FAM227A: variants seen among roughly 807,000 people sequenced by gnomAD.
FAM227A encodes the protein protein FAM227A.
Under a neutral mutation model 74.7 loss-of-function variants are expected in FAM227A, and 80 were observed. The observed-to-expected ratio is 1.07, with a 90% CI of 0.89 to 1.29. The LOEUF (loss-of-function observed/expected upper bound fraction) is 1.29, where lower values mean the gene tolerates loss of function less well. FAM227A is among the 50% of genes most tolerant of loss of function. The probability of loss-of-function intolerance (pLI) is 0.00; values close to 1 mark genes in which losing one functional copy is unlikely to be tolerated. For synonymous variants in FAM227A, 237 were observed against 241.8 expected (o/e 0.98, Z 0.19); for missense variants, 654 against 683.4 (o/e 0.96, Z 0.48).
intron 3 of FAM227A, among the ~76,000 whole-genome samples, chr22:38,640,707 G>T (rs11704721): frequency 6.6e-6 from 1 of 152,164 alleles, no homozygotes; most frequent in South Asian, 2.1e-4. Flanking sequence ...CTGTGATTAC[G>T]AATCAAAGTG....
In FAM227A at chr22:38,585,912, A is replaced by G. The variant is rs777266318; in HGVS notation, c.*213T>C. On this transcript the variant is annotated 3_prime_UTR_variant, in exon 17 of 17. Coordinates refer to ENST00000535113, the MANE Select transcript of FAM227A (RefSeq NM_001013647.2). ...AATAAAATACTGAAAGAGTAAATCT[A>G]TGAATAAATGTAGTGACCCAAGCAC... The G allele has an allele frequency of 8.5e-5, 93 of 1,092,712 alleles. No individual in the cohort carries two copies. The highest frequency in any genetic ancestry group is 1.1e-4 in the Non-Finnish European group (90 of 783,840). The allele number at this position is 1,092,712 out of a possible 1,614,324, so 67.7% of individuals were successfully genotyped here.
At chr22:38,628,956 GTAT>G (rs1569223647) in intron 6 of FAM227A, 21 bp from the exon 7 acceptor site, 10 of 1,286,832 alleles carry the variant, frequency 7.8e-6, no homozygotes, top group South Asian at 4.1e-5. Flanking sequence ...AAAATTCACA[GTAT>G]TATTATTGTT....
rs1239096118 is a variant in FAM227A, at chr22:38,583,982, C to G, written c.*2143G>C. ...GGTCACTGCCTTGTGCCTTGAAGCT[C>G]AAATGATAAAACCTATGCCCTTCAG... is the stretch of plus-strand genomic sequence containing the variant. On this transcript the variant is annotated 3_prime_UTR_variant, in exon 17 of 17. Transcript: ENST00000535113. 5 of 152,300 alleles carry G rather than the reference C, an allele frequency of 3.3e-5. No homozygotes were observed. Among genetic ancestry groups the G allele is most frequent in the African/African-American group, 1.2e-4 (5 of 41,436 alleles). The allele number at this position is 152,300 out of a possible 1,614,324, so 9.4% of individuals were successfully genotyped here.
intron 6 of FAM227A, among the ~76,000 whole-genome samples, chr22:38,634,879 T>C (rs560098335): frequency 1.2e-3 from 183 of 152,118 alleles, no homozygotes; most frequent in Non-Finnish European, 1.8e-3. Context: ...TCATCTCTCT[T>C]AGGAAGTCCG....
In FAM227A at chr22:38,582,151, C is replaced by G; in HGVS notation, c.*3974G>C. 1 of 596,304 alleles carries G rather than the reference C, an allele frequency of 1.7e-6. No homozygotes were observed. The highest frequency in any genetic ancestry group is 2.8e-5 in the East Asian group (1 of 35,880). 36.9% of individuals were successfully genotyped at this position (596,304 alleles called of 1,614,324 possible). A position where few individuals can be genotyped will look rare whatever the true frequency, so the allele number is the denominator to read the frequency against. On this transcript the variant is annotated 3_prime_UTR_variant, in exon 17 of 17. Coordinates refer to ENST00000535113, the MANE Select transcript of FAM227A (RefSeq NM_001013647.2). The stretch of plus-strand genomic sequence containing the variant: ...ACACCCATGAGCCATTCACCACAAT[C>G]AAGATAGTAGACATATCTGTCACCC...
At position 38,586,084 on chromosome 22, in the gene FAM227A, G is replaced by A. The variant is rs1308281302; in HGVS notation, c.*41C>T. 28 of 1,551,746 alleles carry A rather than the reference G, an allele frequency of 1.8e-5. No individual in the cohort carries two copies. The highest frequency in any genetic ancestry group is 2.2e-5 in the Non-Finnish European group (25 of 1,146,978). On this transcript the variant is annotated 3_prime_UTR_variant, in exon 17 of 17. Coordinates refer to ENST00000535113, the MANE Select transcript of FAM227A (RefSeq NM_001013647.2). Reference sequence around the variant, plus strand: ...CTCCACCTCGTAGCAGAAATATCACGGATTCTGTAGGCGCTTCCTGGTTCT... The same window carrying A: ...CTCCACCTCGTAGCAGAAATATCACAGATTCTGTAGGCGCTTCCTGGTTCT...
At chr22:38,641,225 G>A (rs1345789766) in intron 3 of FAM227A, among the ~76,000 whole-genome samples, 1 of 152,090 alleles carries the variant, frequency 6.6e-6, no homozygotes. Flanking sequence ...TGACTTCAGG[G>A]CCTACAAGCA....
intron 11 of FAM227A, among the ~76,000 whole-genome samples, chr22:38,613,336 A>T (rs374619671): frequency 2.6e-5 from 1 of 39,100 alleles, no homozygotes; most frequent in Non-Finnish European, 4.5e-5. Context: ...CATATATAAT[A>T]TATAACATAT....
At chr22:38,603,615 G>A (rs2091223235) in intron 13 of FAM227A, among the ~76,000 whole-genome samples, 1 of 152,094 alleles carries the variant, frequency 6.6e-6, no homozygotes, top group South Asian at 2.1e-4. Flanking sequence ...CCTTCTGTGA[G>A]TGGTTTTTGT....
chr22:38,627,290 G>A (rs955012397), intron 8 of FAM227A, among the ~76,000 whole-genome samples: 3 of 151,872 alleles, frequency 2.0e-5, no homozygotes, highest in African/African-American at 4.8e-5. Context: ...AAGGGAGGCC[G>A]GGCGCAGTGG....
At chr22:38,653,736 CT>C (rs1037124161) in intron 1 of FAM227A, 2 of 152,218 alleles carry the variant, frequency 1.3e-5, no homozygotes, top group African/African-American at 4.8e-5. Flanking sequence ...TAAAAATTGT[CT>C]TCCATGAAAC....
At chr22:38,627,973 GTTTT>G (rs147411497) in intron 8 of FAM227A, among the ~76,000 whole-genome samples, 2 of 149,444 alleles carry the variant, frequency 1.3e-5, no homozygotes, top group African/African-American at 2.5e-5. Context: ...ATTTTTCCAG[GTTTT>G]TTTTTTCTAT....
intron 10 of FAM227A, among the ~76,000 whole-genome samples, chr22:38,620,820 GA>G (rs904090583): frequency 6.7e-6 from 1 of 148,726 alleles, no homozygotes; most frequent in East Asian, 2.0e-4. Flanking sequence ...AGAAAAAAAA[GA>G]AAAAAAAAGT....
chr22:38,619,539 G>A (rs868336906), intron 11 of FAM227A, among the ~76,000 whole-genome samples: 1 of 152,180 alleles, frequency 6.6e-6, no homozygotes, highest in Non-Finnish European at 1.5e-5. Context: ...GACCAGACTG[G>A]TCTTGGACTC....
intron 2 of FAM227A, among the ~76,000 whole-genome samples, chr22:38,648,971 C>CA (rs55894604): frequency 0.014 from 1,788 of 128,844 alleles, 32 homozygotes; most frequent in African/African-American, 0.042. Flanking sequence ...GACTCTGTCT[C>CA]AAAAAAAAAA....
intron 16 of FAM227A, among the ~76,000 whole-genome samples, chr22:38,590,261 CAGA>C (rs2090902755): frequency 8.9e-6 from 1 of 111,754 alleles, no homozygotes; most frequent in African/African-American, 3.6e-5. Flanking sequence ...GCCTGGGTGA[CAGA>C]AGGAGACTCC....
At chr22:38,616,771 T>C (rs781013161) in intron 11 of FAM227A, among the ~76,000 whole-genome samples, 4 of 151,660 alleles carry the variant, frequency 2.6e-5, no homozygotes, top group Non-Finnish European at 5.9e-5. Context: ...GTGATGGGAA[T>C]GACCCCACAG....
intron 4 of FAM227A, 51 bp from the exon 5 acceptor site, chr22:38,638,873 C>T (rs1230640180): frequency 6.5e-6 from 8 of 1,226,848 alleles, no homozygotes; most frequent in Non-Finnish European, 9.1e-6. Context: ...GGTCTGTCCA[C>T]AGCTGTGCGG....
In FAM227A at chr22:38,579,662, T is replaced by C. The variant is rs1287125891; in HGVS notation, c.*6463A>G. 6.6e-6 allele frequency: 1 copy of C among 152,212 alleles called. No homozygotes were observed. The highest frequency in any genetic ancestry group is 2.4e-5 in the African/African-American group (1 of 41,462). 9.4% of individuals were successfully genotyped at this position (152,212 alleles called of 1,614,324 possible). A position where few individuals can be genotyped will look rare whatever the true frequency, so the allele number is the denominator to read the frequency against. ...CACATGGTCAATCTTGTTTCACCTA[T>C]ACCTCCATCCACTTTCTCTCTCCCA... On this transcript the variant is annotated 3_prime_UTR_variant, in exon 17 of 17. Transcript: ENST00000535113.
Sources: allele counts gnomAD v4.1 joint callset (sites outside exome capture counted in the v4.1 genomes callset), GRCh38; gene constraint gnomAD v4.1.1; transcripts MANE v1.5; gene names NCBI Gene and HGNC (gene_info 2026-07-23, HGNC 2026-07-21).